The following LRP12 variants were observed in gnomAD, a reference collection of about 807,000 sequenced individuals.
The protein encoded by LRP12 is low-density lipoprotein receptor-related protein 12.
LRP12 carries 14 observed loss-of-function variants against 66.0 expected under a neutral mutation model. The observed-to-expected ratio is 0.21, with a 90% CI of 0.14 to 0.33. LRP12 has a LOEUF of 0.33. Ranked by LOEUF, LRP12 falls within the 10% of genes least tolerant of loss-of-function variation. LRP12 has a pLI of 1.00. For synonymous variants in LRP12, 357 were observed against 359.1 expected, an observed-to-expected ratio of 0.99 and a Z score of 0.07; for missense variants, 889 against 1,053.4, an observed-to-expected ratio of 0.84 and a Z score of 2.16.
chr8:104,554,976 T>G (rs1329409277), intron 1 of LRP12, among the ~76,000 whole-genome samples: 1 of 152,148 alleles, frequency 6.6e-6, no homozygotes, highest in Non-Finnish European at 1.5e-5. Flanking sequence ...ATCTTTAGCC[T>G]CCTTAAACAA....
intron 1 of LRP12, among the ~76,000 whole-genome samples, chr8:104,584,967 T>C (rs1238361375): frequency 1.3e-5 from 2 of 152,210 alleles, no homozygotes; most frequent in Admixed American, 1.3e-4. Context: ...ATTCATCCAT[T>C]ACATATATGC....
chr8:104,515,069 C>T (rs1319444900), intron 2 of LRP12, among the ~76,000 whole-genome samples: 1 of 152,090 alleles, frequency 6.6e-6, no homozygotes, highest in African/African-American at 2.4e-5. Flanking sequence ...CAGATAAAAG[C>T]CATGGGAAGG....
chr8:104,535,952 T>TAAC (rs1811387632), intron 1 of LRP12, among the ~76,000 whole-genome samples: 2 of 152,110 alleles, frequency 1.3e-5, no homozygotes, highest in Non-Finnish European at 2.9e-5. Flanking sequence ...GTTTAAAAGT[T>TAAC]AAATGACTGT....
intron 1 of LRP12, among the ~76,000 whole-genome samples, chr8:104,586,048 C>T (rs1812325868): frequency 6.6e-6 from 1 of 152,208 alleles, no homozygotes; most frequent in South Asian, 2.1e-4. Flanking sequence ...TTCAAACTTT[C>T]AAAGGTGGCA....
chr8:104,520,268 T>A (rs1811127646), intron 2 of LRP12, among the ~76,000 whole-genome samples: 1 of 151,790 alleles, frequency 6.6e-6, no homozygotes, highest in Non-Finnish European at 1.5e-5. Flanking sequence ...TGAGGGCAAT[T>A]TTTTTTTCCT....
At chr8:104,549,219 C>T (rs189229635) in intron 1 of LRP12, among the ~76,000 whole-genome samples, 73 of 152,156 alleles carry the variant, frequency 4.8e-4, no homozygotes, top group African/African-American at 1.6e-3. Context: ...TGGTCTTTCT[C>T]AGCCAAAGTT....
intron 1 of LRP12, among the ~76,000 whole-genome samples, chr8:104,532,677 C>T (rs1249955604): frequency 6.6e-6 from 1 of 152,070 alleles, no homozygotes; most frequent in African/African-American, 2.4e-5. Flanking sequence ...GCTTAGAAGG[C>T]AAAAGCAGAA....
chr8:104,543,849 G>A (rs1811514474), intron 1 of LRP12, among the ~76,000 whole-genome samples: 1 of 152,072 alleles, frequency 6.6e-6, no homozygotes, highest in African/African-American at 2.4e-5. Context: ...CTGAACCTGC[G>A]AGGCGGAGGT....
chr8:104,547,184 CTA>C (rs375207242), intron 1 of LRP12, among the ~76,000 whole-genome samples: 7,580 of 135,676 alleles, frequency 0.056, 367 homozygotes, highest in Non-Finnish European at 0.066. Context: ...ATATACAATT[CTA>C]TGTTATATCA....
chr8:104,491,502 G>A lies in LRP12; in HGVS notation c.1751C>T (p.Ser584Phe), dbSNP rs1248381078. ...CCTGACTGAAGTAAATCCAAGCTGAGATCGTACCGCTAGCCTCAGATTTTC... is the reference window on the plus strand; with the variant it reads ...CCTGACTGAAGTAAATCCAAGCTGAAATCGTACCGCTAGCCTCAGATTTTC... ...VLENLRLAVRSQLGFTSVRLP... is the reference protein window; with the variant it reads ...VLENLRLAVRFQLGFTSVRLP... The change falls in exon 7 of 7, where the codon TCT becomes TTT. Residue 584 changes from serine (S) to phenylalanine (F), a missense_variant. By Grantham distance (155) the Ser-to-Phe change is radical. Coordinates refer to ENST00000276654, the MANE Select transcript of LRP12 (RefSeq NM_013437.5). 2 of 1,612,588 alleles carry A rather than the reference G, an allele frequency of 1.2e-6. No individual in the cohort carries two copies. The highest frequency in any genetic ancestry group is 1.7e-6 in the Non-Finnish European group (2 of 1,179,862).
chr8:104,541,854 T>C (rs1304526990), intron 1 of LRP12, among the ~76,000 whole-genome samples: 3 of 152,228 alleles, frequency 2.0e-5, no homozygotes, highest in African/African-American at 7.2e-5. Context: ...TTTTTATGGC[T>C]GAATAATATT....
Position 104,568,507 on chromosome 8 carries a change from T to C in LRP12, c.79+20312A>G, listed in dbSNP as rs149540983. On this transcript the variant is annotated intron_variant, in intron 1 of 6. Coordinates refer to ENST00000276654, the MANE Select transcript of LRP12 (RefSeq NM_013437.5). ...GAACAAACTACAAAACAGGATACAA[T>C]ATTTGAAAATCATATATCAGATAAC... is the stretch of plus-strand genomic sequence containing the variant. Among the ~76,000 whole-genome samples, 391 of 152,204 alleles carry C rather than the reference T, an allele frequency of 2.6e-3. 1 individual carries two copies. The highest frequency in any genetic ancestry group is 4.1e-3 in the Non-Finnish European group (277 of 67,986).
chr8:104,535,690 T>A (rs2140865993), intron 1 of LRP12, among the ~76,000 whole-genome samples: 1 of 152,122 alleles, frequency 6.6e-6, no homozygotes, highest in Admixed American at 6.6e-5. Flanking sequence ...TTGGTAATTT[T>A]TTTTTCCAAA....
intron 1 of LRP12, among the ~76,000 whole-genome samples, chr8:104,548,381 A>T (rs866982266): frequency 4.6e-5 from 3 of 65,768 alleles, no homozygotes; most frequent in African/African-American, 1.0e-4. Context: ...ATATTATATA[A>T]ATATATAATA....
chr8:104,537,640 A>T (rs546307409), intron 1 of LRP12, among the ~76,000 whole-genome samples: 1 of 152,308 alleles, frequency 6.6e-6, no homozygotes, highest in South Asian at 2.1e-4. Flanking sequence ...CTTCAACTAG[A>T]ACTCTCAAAA....
chr8:104,581,503 C>T (rs1454518808), intron 1 of LRP12, among the ~76,000 whole-genome samples: 1 of 151,814 alleles, frequency 6.6e-6, no homozygotes, highest in East Asian at 1.9e-4. Flanking sequence ...ATATAACAAA[C>T]CTGCACATGT....
chr8:104,579,016 G>A (rs1812206979), intron 1 of LRP12, among the ~76,000 whole-genome samples: 1 of 152,036 alleles, frequency 6.6e-6, no homozygotes, highest in East Asian at 1.9e-4. Flanking sequence ...CCTGAAAACC[G>A]ACACAAGACA....
intron 1 of LRP12, among the ~76,000 whole-genome samples, chr8:104,585,015 GAAT>G (rs1300515817): frequency 6.6e-6 from 1 of 152,126 alleles, no homozygotes; most frequent in Non-Finnish European, 1.5e-5. Flanking sequence ...ACAACATCTA[GAAT>G]ACTACTGTGA....
At chr8:104,536,933 A>C (rs1469083138) in intron 1 of LRP12, among the ~76,000 whole-genome samples, 5 of 152,100 alleles carry the variant, frequency 3.3e-5, no homozygotes, top group Non-Finnish European at 4.4e-5. Context: ...AAGACATGGC[A>C]GAAGACCCCA....
Sources: allele counts gnomAD v4.1 joint callset (sites outside exome capture counted in the v4.1 genomes callset), GRCh38; gene constraint gnomAD v4.1.1; transcripts MANE v1.5; gene names NCBI Gene and HGNC (gene_info 2026-07-23, HGNC 2026-07-21).